Variants in RNASEL observed in about 807,000 individuals in gnomAD.
RNASEL encodes the protein ribonuclease L.
Under a neutral mutation model 50.9 loss-of-function variants are expected in RNASEL, and 36 were observed. That is an observed-to-expected ratio of 0.71 (90% confidence interval 0.54 to 0.93). RNASEL has a LOEUF of 0.93. Ranked by LOEUF, RNASEL falls within the 40% of genes least tolerant of loss-of-function variation. The pLI is 0.00. For missense variants in RNASEL, 860 were observed against 894.5 expected, an observed-to-expected ratio of 0.96 and a Z score of 0.49; for synonymous variants, 335 against 335.6, an observed-to-expected ratio of 1.00 and a Z score of 0.02.
Position 182,574,546 on chromosome 1 carries a change from C to G in RNASEL, c.*846G>C, listed in dbSNP as rs1404646104. ...GCCCCTTAAGTCAGGTTTTCTCAACCTCAGCACCATTGATATTTTTGTCTG... is the reference window on the plus strand; with the variant it reads ...GCCCCTTAAGTCAGGTTTTCTCAACGTCAGCACCATTGATATTTTTGTCTG... On this transcript the variant is annotated 3_prime_UTR_variant, in exon 7 of 7. Coordinates refer to ENST00000367559, the MANE Select transcript of RNASEL (RefSeq NM_021133.4). 8.6e-6 allele frequency: 2 copies of G among 232,606 alleles called. No individual in the cohort carries two copies. The highest frequency in any genetic ancestry group is 5.6e-5 in the Admixed American group (1 of 17,728). 14.4% of individuals were successfully genotyped at this position (232,606 alleles called of 1,614,324 possible). A position where few individuals can be genotyped will look rare whatever the true frequency, so the allele number is the denominator to read the frequency against.
Position 182,586,784 on chromosome 1 carries a change from T to C in RNASEL, c.23A>G (p.Asn8Ser). MESRDHN[N>S]PQEGPTSSSG... ...GGAGGACGTGGGTCCCTCCTGGGGGTTGTTATGATCCCTGCTCTCCATGAC... is the reference window on the plus strand; with the variant it reads ...GGAGGACGTGGGTCCCTCCTGGGGGCTGTTATGATCCCTGCTCTCCATGAC... Residue 8 changes from asparagine (N) to serine (S), a missense_variant, in exon 2 of 7, where the codon AAC (asparagine) becomes AGC (serine). Physicochemically the swap from Asn to Ser is conservative, Grantham distance 46. Coordinates refer to ENST00000367559, the MANE Select transcript of RNASEL (RefSeq NM_021133.4). The C allele has an allele frequency of 1.2e-6, 2 of 1,614,178 alleles. No individual in the cohort carries two copies. Among genetic ancestry groups the C allele is most frequent in the Non-Finnish European group, 8.5e-7 (1 of 1,180,032 alleles).
intron 6 of RNASEL, among the ~76,000 whole-genome samples, chr1:182,575,826 A>C (rs1474259905): frequency 1.3e-5 from 2 of 152,214 alleles, no homozygotes; most frequent in African/African-American, 4.8e-5. Flanking sequence ...ACAATCCTCT[A>C]CCTACAATTC....
At chr1:182,582,479 G>A (rs1005852246) in intron 3 of RNASEL, among the ~76,000 whole-genome samples, 1 of 152,154 alleles carries the variant, frequency 6.6e-6, no homozygotes, top group African/African-American at 2.4e-5. Context: ...ATACATATAA[G>A]TCACAGTTGT....
Position 182,585,357 on chromosome 1 carries a change from G to A in RNASEL, c.1450C>T (p.Gln484Ter), listed in dbSNP as rs1036293550. Residue 484 changes from glutamine to a stop codon, truncating the protein, a stop_gained, in exon 2 of 7, where the codon CAG (glutamine) becomes TAG (stop). Transcript: ENST00000367559. LOFTEE classifies it high-confidence loss of function. ...ELHLSCGYTH[Q>*]DLQPQNILID... ...AAGATGTTTTGTGGTTGCAGATCCT[G>A]GTGGGTGTATCCACAGGACAAGTGT... 1.1e-5 allele frequency: 17 copies of A among 1,613,728 alleles called. No homozygotes were observed. The Admixed American group carries it at 2.5e-4, about 24-fold the overall frequency.
At chr1:182,583,519 T>C (rs1661534951) in intron 3 of RNASEL, among the ~76,000 whole-genome samples, 1 of 152,070 alleles carries the variant, frequency 6.6e-6, no homozygotes. Flanking sequence ...GGATACAAAG[T>C]ATTGTGACTG....
rs769873215 is a variant in RNASEL at position 182,582,049 on chromosome 1, T to C, written c.1772+4A>G. 3.1e-6 allele frequency: 5 copies of C among 1,613,830 alleles called. No individual in the cohort carries two copies. Among genetic ancestry groups the C allele is most frequent in the Middle Eastern group, 1.7e-4 (1 of 6,052 alleles). ...CTGTGGCATCTGCACAAAGTTTTACTTACCTCTCCCAAGTCCAAAAGAAGG... is the reference window on the plus strand; with the variant it reads ...CTGTGGCATCTGCACAAAGTTTTACCTACCTCTCCCAAGTCCAAAAGAAGG... On this transcript the variant is annotated splice_donor_region_variant and intron_variant, in intron 4 of 6. Transcript: ENST00000367559.
rs531483320 is a variant in RNASEL, at chr1:182,576,770, A to G, written c.1906-381T>C. 402 of 186,456 alleles carry G rather than the reference A, an allele frequency of 2.2e-3. 2 individuals carry two copies. The highest frequency in any genetic ancestry group is 2.2e-3 in the Non-Finnish European group (193 of 89,248). The allele number at this position is 186,456 out of a possible 1,614,324, so 11.6% of individuals were successfully genotyped here. ...GCCTGTAATCCCAGCTACTTGGGAG[A>G]CTGAGGCAGGAGAGTCACTTGAACC... On this transcript the variant is annotated intron_variant, in intron 5 of 6. Coordinates refer to ENST00000367559, the MANE Select transcript of RNASEL (RefSeq NM_021133.4).
In RNASEL at chr1:182,586,406, ACAG is replaced by A; in HGVS notation, c.398_400del (p.Ala133del). 1.9e-6 allele frequency: 3 copies of A among 1,614,082 alleles called. No individual in the cohort carries two copies. In the East Asian group the frequency reaches 6.7e-5, roughly 36 times the overall value. On this transcript the variant is annotated inframe_deletion, in exon 2 of 7. Coordinates refer to ENST00000367559, the MANE Select transcript of RNASEL (RefSeq NM_021133.4). The stretch of plus-strand genomic sequence containing the variant: ...TTTTAGGGCTTTGACCTTACCATAC[ACAG>A]CGGCTTCCATGAAGGCTGTGAAGCC...
At position 182,586,011 on chromosome 1, in the gene RNASEL, T is replaced by C. The variant is rs758317552; in HGVS notation, c.796A>G (p.Ile266Val). The change falls in exon 2 of 7, where the codon ATT becomes GTT. Residue 266 changes from isoleucine (I) to valine (V), a missense_variant. Ile to Val is a conservative substitution (Grantham distance 29). Transcript: ENST00000367559. ...QRLLEQEHIEINDTDSDGKTA... is the reference protein window; with the variant it reads ...QRLLEQEHIEVNDTDSDGKTA... ...TTGCCATCACTGTCTGTGTCATTAA[T>C]CTCTATGTGCTCTTGCTCCAGAAGC... is the stretch of plus-strand genomic sequence containing the variant. 2 of 1,614,100 alleles carry C rather than the reference T, an allele frequency of 1.2e-6. No homozygotes were observed. The highest frequency in any genetic ancestry group is 1.7e-6 in the Non-Finnish European group (2 of 1,180,030).
At chr1:182,588,662 A>G (rs921461543) in intron 1 of RNASEL, among the ~76,000 whole-genome samples, 4 of 152,242 alleles carry the variant, frequency 2.6e-5, no homozygotes, top group African/African-American at 9.6e-5. Context: ...TCAAAGCCTC[A>G]GAGGTTAATT....
chr1:182,582,099 A>T lies in RNASEL; in HGVS notation c.1726T>A (p.Cys576Ser), dbSNP rs752189070. Residue 576 changes from cysteine to serine, a missense_variant, in exon 4 of 7, where the codon TGT (cysteine) becomes AGT (serine). Physicochemically the swap from Cys to Ser is moderately radical, Grantham distance 112. Coordinates refer to ENST00000367559, the MANE Select transcript of RNASEL (RefSeq NM_021133.4). Reference protein sequence around the residue: ...LFHPGEHVRDCLSDLLGHPFF... With the variant: ...LFHPGEHVRDSLSDLLGHPFF... ...GGATGACCCAGCAGGTCACTCAGAC[A>T]GTCCCTCACATGTTCCCCAGGATGG... is the stretch of plus-strand genomic sequence containing the variant. 6.2e-7 allele frequency: 1 copy of T among 1,614,262 alleles called. No individual in the cohort carries two copies. The highest frequency in any genetic ancestry group is 8.5e-7 in the Non-Finnish European group (1 of 1,180,036).
At chr1:182,577,941 A>G (rs1661421284) in intron 5 of RNASEL, among the ~76,000 whole-genome samples, 1 of 152,228 alleles carries the variant, frequency 6.6e-6, no homozygotes, top group African/African-American at 2.4e-5. Flanking sequence ...TATGTAGAAG[A>G]TTAAAACTAG....
At chr1:182,579,673 T>C in intron 5 of RNASEL, 2 of 1,142,424 alleles carry the variant, frequency 1.8e-6, no homozygotes, top group Non-Finnish European at 2.2e-6. Context: ...AAGGTAAAAC[T>C]TGAAGTTAAA....
Position 182,582,232 on chromosome 1 carries a change from C to T in RNASEL, c.1593G>A (p.Val531=), listed in dbSNP as rs1302648965. The T allele has an allele frequency of 3.7e-6, 6 of 1,614,082 alleles. No individual in the cohort carries two copies. Among genetic ancestry groups the T allele is most frequent in the Non-Finnish European group, 5.1e-6 (6 of 1,179,996 alleles). Residue 531 remains valine, a synonymous_variant, in exon 4 of 7, where the codon GTG becomes GTA. Transcript: ENST00000367559. ...LEDLGRLVLY[V]VKKGSISFED... is the part of the protein sequence containing the mutation. Reference sequence around the variant, plus strand: ...CAAATGAGATGCTTCCCTTCTTTACCACATAGAGGACCAGCCGTCCAAGGT... The same window carrying T: ...CAAATGAGATGCTTCCCTTCTTTACTACATAGAGGACCAGCCGTCCAAGGT...
chr1:182,579,515 G>T (rs1001519295), intron 5 of RNASEL: 1 of 1,096,964 alleles, frequency 9.1e-7, no homozygotes, highest in Admixed American at 4.9e-5. Flanking sequence ...CGCCAAGCAC[G>T]TATGTGTGGC....
chr1:182,583,080 C>T (rs1397758360), intron 3 of RNASEL, among the ~76,000 whole-genome samples: 1 of 152,132 alleles, frequency 6.6e-6, no homozygotes, highest in East Asian at 1.9e-4. Flanking sequence ...GTGTAGCCCA[C>T]GAGTTTGAGT....
At position 182,586,989 on chromosome 1, in the gene RNASEL, G is replaced by T; in HGVS notation, c.-164-19C>A. The T allele has an allele frequency of 1.5e-6, 1 of 672,912 alleles. No individual in the cohort carries two copies. Among genetic ancestry groups the T allele is most frequent in the Non-Finnish European group, 2.5e-6 (1 of 403,460 alleles). The allele number at this position is 672,912 out of a possible 1,614,324, so 41.7% of individuals were successfully genotyped here. A position where few individuals can be genotyped will look rare whatever the true frequency, so the allele number is the denominator to read the frequency against. On this transcript the variant is annotated intron_variant, in intron 1 of 6. Transcript: ENST00000367559. ...ATTCCACCTGGCAACGAAGAGAGGT[G>T]CTTTGTAATTTTACAATAGGGAGAA... is the stretch of plus-strand genomic sequence containing the variant.
intron 3 of RNASEL, among the ~76,000 whole-genome samples, 198 bp from the exon 4 acceptor site, chr1:182,582,456 T>C (rs980023910): frequency 5.9e-5 from 9 of 152,160 alleles, no homozygotes; most frequent in Non-Finnish European, 1.2e-4. Flanking sequence ...CTTAGTTTTA[T>C]GAAGAGTAAA....
Position 182,582,231 on chromosome 1 carries a change from C to G in RNASEL, c.1594G>C (p.Val532Leu), listed in dbSNP as rs193195484. The change falls in exon 4 of 7, where the codon GTA becomes CTA. Residue 532 changes from valine (V) to leucine (L), a missense_variant. Transcript: ENST00000367559. ...EDLGRLVLYV[V>L]KKGSISFEDL... ...TCAAATGAGATGCTTCCCTTCTTTA[C>G]CACATAGAGGACCAGCCGTCCAAGG... 6 of 1,614,142 alleles carry G rather than the reference C, an allele frequency of 3.7e-6. No individual in the cohort carries two copies. In the East Asian group the frequency reaches 1.3e-4, roughly 36 times the overall value.
Sources: gnomAD v4.1 joint callset for allele counts (sites outside exome capture counted in the v4.1 genomes callset) on GRCh38, gnomAD v4.1.1 for gene constraint, MANE v1.5 for transcripts, NCBI Gene and HGNC (gene_info 2026-07-23, HGNC 2026-07-21) for gene names.